Variants in PHACTR2 observed in about 807,000 individuals in gnomAD.
PHACTR2 encodes the protein chromosome 6 open reading frame 56.
A neutral mutation model predicts 76.0 loss-of-function variants in PHACTR2; 30 were observed. The observed-to-expected ratio is 0.39, with a 90% CI of 0.30 to 0.54. The LOEUF (loss-of-function observed/expected upper bound fraction) is 0.54, where lower values mean the gene tolerates loss of function less well. Ranked by LOEUF, PHACTR2 falls within the 20% of genes least tolerant of loss-of-function variation. The pLI, the probability that PHACTR2 is intolerant of heterozygous loss-of-function variation, is 0.61. For missense variants in PHACTR2, 696 were observed against 781.1 expected (o/e 0.89, Z 1.30); for synonymous variants, 292 against 292.5 (o/e 1.00, Z 0.02).
chr6:143,713,327 G>A (rs1778224557), intron 2 of PHACTR2, among the ~76,000 whole-genome samples: 1 of 152,176 alleles, frequency 6.6e-6, no homozygotes, highest in African/African-American at 2.4e-5. Context: ...AATCCTGGAG[G>A]AGTGTGAGGT....
intron 5 of PHACTR2, among the ~76,000 whole-genome samples, chr6:143,763,344 G>A (rs11155325): frequency 0.15 from 22,621 of 151,952 alleles, 2,110 homozygotes; most frequent in East Asian, 0.35. Context: ...GGGTGACAGA[G>A]GGAGACTCTG....
Position 143,631,249 on chromosome 6 carries a change from G to A in PHACTR2, c.13+22927G>A, listed in dbSNP as rs531472835. Among the ~76,000 whole-genome samples, 8 of 152,138 alleles carry A rather than the reference G, an allele frequency of 5.3e-5. No individual in the cohort carries two copies. The East Asian group carries it at 1.5e-3, about 29-fold the overall frequency. ...TCTGTTGCCCAGGCTGGAGTGCAGT[G>A]GTATAATCATAGCTCACTGCAGCCT... On this transcript the variant is annotated intron_variant, in intron 1 of 11. Transcript: ENST00000305766.
At chr6:143,667,004 G>C (rs1777049042) in intron 1 of PHACTR2, among the ~76,000 whole-genome samples, 1 of 152,130 alleles carries the variant, frequency 6.6e-6, no homozygotes, top group African/African-American at 2.4e-5. Context: ...GGTTTTTATG[G>C]TGTTAGGTCT....
intron 1 of PHACTR2, among the ~76,000 whole-genome samples, chr6:143,706,291 A>G (rs1377146855): frequency 6.6e-6 from 1 of 152,210 alleles, no homozygotes; most frequent in Non-Finnish European, 1.5e-5. Context: ...AGAAACCAAG[A>G]TCTGTGCGTT....
At chr6:143,681,306 GA>G (rs1368629455) in intron 1 of PHACTR2, among the ~76,000 whole-genome samples, 8 of 152,226 alleles carry the variant, frequency 5.3e-5, no homozygotes, top group African/African-American at 1.9e-4. Flanking sequence ...TAGTAGGTGT[GA>G]AGTTATATCT....
At position 143,590,913 on chromosome 6, in the gene PHACTR2, G is replaced by A. The variant is rs543383833; in HGVS notation, c.217+53706G>A. Among the ~76,000 whole-genome samples the A allele has an allele frequency of 1.9e-4, 29 of 152,098 alleles. No individual in the cohort carries two copies. The East Asian group carries it at 1.9e-3, about 10-fold the overall frequency. ...TGACAATCTTGCCAGCACATGCTGCGTGTCACTAGATGGACTGGCCGAGAC... is the reference window on the plus strand; with the variant it reads ...TGACAATCTTGCCAGCACATGCTGCATGTCACTAGATGGACTGGCCGAGAC... On this transcript the variant is annotated intron_variant, in intron 1 of 11. Coordinates refer to the PHACTR2 transcript ENST00000367584.
At chr6:143,788,203 G>A (rs905395132) in intron 10 of PHACTR2, among the ~76,000 whole-genome samples, 12 of 152,140 alleles carry the variant, frequency 7.9e-5, no homozygotes, top group Non-Finnish European at 1.0e-4. Context: ...CGTGTACATC[G>A]GTTTTTCTGG....
intron 2 of PHACTR2, among the ~76,000 whole-genome samples, chr6:143,716,655 T>G (rs948411101): frequency 1.3e-5 from 2 of 152,184 alleles, no homozygotes; most frequent in African/African-American, 4.8e-5. Context: ...CTTATCCTTT[T>G]TTAAAGAACA....
intron 1 of PHACTR2, among the ~76,000 whole-genome samples, chr6:143,573,023 C>T (rs755679701): frequency 2.0e-5 from 3 of 152,160 alleles, no homozygotes; most frequent in Non-Finnish European, 4.4e-5. Context: ...ATAATTCTGT[C>T]CTTACAAAAC....
intron 11 of PHACTR2, among the ~76,000 whole-genome samples, chr6:143,797,989 A>T (rs186460289): frequency 6.6e-6 from 1 of 152,360 alleles, no homozygotes; most frequent in East Asian, 1.9e-4. Context: ...TACTTTGGGC[A>T]GTAAGGCCAT....
intron 1 of PHACTR2, among the ~76,000 whole-genome samples, chr6:143,626,998 T>G (rs1344807292): frequency 6.6e-6 from 1 of 152,222 alleles, no homozygotes; most frequent in Admixed American, 6.5e-5. Flanking sequence ...AGTGCTTTCC[T>G]TTGCCAACTT....
chr6:143,613,242 T>C (rs560557653), intron 1 of PHACTR2, among the ~76,000 whole-genome samples: 1 of 152,402 alleles, frequency 6.6e-6, no homozygotes, highest in South Asian at 2.1e-4. Flanking sequence ...CCCGAAGTGC[T>C]GGGATTACAG....
rs763493806 is a variant in PHACTR2, at chr6:143,638,601, C to CA, written c.13+30279_13+30280insA. Among the ~76,000 whole-genome samples the CA allele has an allele frequency of 5.1e-3, 710 of 137,892 alleles. 3 individuals are homozygous for CA. Among genetic ancestry groups the CA allele is most frequent in the East Asian group, 0.021 (100 of 4,782 alleles). 90.5% of individuals were successfully genotyped at this position (137,892 alleles called of 152,430 possible). A position where few individuals can be genotyped will look rare whatever the true frequency, so the allele number is the denominator to read the frequency against. The stretch of plus-strand genomic sequence containing the variant: ...TACACACACACACACACACACACAC[C>CA]CAGCTATCCAAGTTTTGAGCTAATT... On this transcript the variant is annotated intron_variant, in intron 1 of 11. Coordinates refer to the PHACTR2 transcript ENST00000305766.
chr6:143,685,580 A>C (rs927699399), intron 1 of PHACTR2, among the ~76,000 whole-genome samples: 8 of 152,060 alleles, frequency 5.3e-5, no homozygotes, highest in African/African-American at 1.9e-4. Flanking sequence ...CCATTTTATA[A>C]ATGAGGAAAA....
At chr6:143,563,551 C>CAAAAAAAAAAAAAAA (rs76587878) in intron 1 of PHACTR2, among the ~76,000 whole-genome samples, 20 of 29,970 alleles carry the variant, frequency 6.7e-4, no homozygotes, top group African/African-American at 1.1e-3. Context: ...AACTCCGTCT[C>CAAAAAAAAAAAAAAA]AAAAAAAAAA....
At position 143,827,178 on chromosome 6, in the gene PHACTR2, A is replaced by ATATATATATATATATATATGTATAT. The variant is rs1562322767; in HGVS notation, c.*3508_*3509insGTATATTATATATATATATATATAT. ...AAAATATATATATATATATATATATATATATATATATATATATATATGTAT... is the reference window on the plus strand; with the variant it reads ...AAAATATATATATATATATATATATATATATATATATATATATATGTATATTATATATATATATATATATATGTAT... On this transcript the variant is annotated 3_prime_UTR_variant, in exon 13 of 13. Coordinates refer to ENST00000440869, the MANE Select transcript of PHACTR2 (RefSeq NM_001100164.2). 57 of 128,844 alleles carry ATATATATATATATATATATGTATAT rather than the reference A, an allele frequency of 4.4e-4. No homozygotes were observed. The highest frequency in any genetic ancestry group is 1.7e-3 in the African/African-American group (57 of 34,324). The allele number at this position is 128,844 out of a possible 1,614,324, so 8.0% of individuals were successfully genotyped here.
chr6:143,582,118 C>T (rs1245948488), intron 1 of PHACTR2, among the ~76,000 whole-genome samples: 1 of 152,182 alleles, frequency 6.6e-6, no homozygotes, highest in Non-Finnish European at 1.5e-5. Flanking sequence ...TTTATACCAC[C>T]TGTTTAGGTC....
At chr6:143,812,043 A>C in intron 12 of PHACTR2, among the ~76,000 whole-genome samples, 1 of 152,118 alleles carries the variant, frequency 6.6e-6, no homozygotes, top group Admixed American at 6.5e-5. Context: ...TTCCCTTCAA[A>C]ACCTCAATCT....
chr6:143,814,878 A>T (rs1227653923), intron 12 of PHACTR2, among the ~76,000 whole-genome samples: 1 of 152,198 alleles, frequency 6.6e-6, no homozygotes, highest in Non-Finnish European at 1.5e-5. Flanking sequence ...CTGGGATTAC[A>T]GGCGTGAGCC....
Sources: gnomAD v4.1 joint callset for allele counts (sites outside exome capture counted in the v4.1 genomes callset) on GRCh38, gnomAD v4.1.1 for gene constraint, MANE v1.5 for transcripts, NCBI Gene and HGNC (gene_info 2026-07-23, HGNC 2026-07-21) for gene names.